Variants in CRAMP1 observed in about 807,000 individuals in gnomAD.
CRAMP1 encodes protein cramped-like.
In CRAMP1, 50 loss-of-function variants were observed where a neutral mutation model predicts 115.4. That is an observed-to-expected ratio of 0.43 (90% CI 0.35 to 0.55). The LOEUF (loss-of-function observed/expected upper bound fraction) is 0.55. CRAMP1 is among the 20% of genes least tolerant of loss of function. The pLI is 0.01. For missense variants in CRAMP1, 1,679 were observed against 1,721.7 expected (o/e 0.98, Z 0.44); for synonymous variants, 866 against 745.4 (o/e 1.16, Z -2.64).
In CRAMP1 at chr16:1,667,375, A is replaced by C. The variant is rs2036884577; in HGVS notation, c.3077A>C (p.Gln1026Pro). Residue 1026 changes from glutamine (Q) to proline (P), a missense_variant, in exon 17 of 21, where the codon CAG becomes CCG. Transcript: ENST00000397412. ...PFVSIPSRPE[Q>P]EPVADSFQGS... ...GTCAGCATCCCTTCGAGGCCTGAGC[A>C]GGAGCCAGTGGCAGACAGTTTCCAG... The C allele has an allele frequency of 1.9e-6, 3 of 1,613,190 alleles. No individual in the cohort carries two copies. The African/African-American group carries it at 4.0e-5, about 21-fold the overall frequency.
At chr16:1,618,627 G>GT (rs2036440622) in intron 2 of CRAMP1, among the ~76,000 whole-genome samples, 1 of 151,962 alleles carries the variant, frequency 6.6e-6, no homozygotes, top group African/African-American at 2.4e-5. Flanking sequence ...AGTGACAGTC[G>GT]TTTGTGTGTA....
chr16:1,665,568 A>G (rs553259441), intron 14 of CRAMP1, among the ~76,000 whole-genome samples: 16 of 152,226 alleles, frequency 1.1e-4, no homozygotes, highest in African/African-American at 3.1e-4. Context: ...CTCTAGTGAA[A>G]CACATACTCT....
In CRAMP1 at chr16:1,656,224, T is replaced by C. The variant is rs1596494081; in HGVS notation, c.1467T>C (p.Ser489=). Residue 489 remains serine, a synonymous_variant, in exon 10 of 21, where the codon AGT becomes AGC. Coordinates refer to ENST00000397412, the MANE Select transcript of CRAMP1 (RefSeq NM_020825.4). This position sits in a 1 kb window ranked among gnomAD's most constrained non-coding sequence, Gnocchi z 5.6. ...ACGCCTTGCAGAGCTCCGGAGAGAG[T>C]TCCCCCGAAAGCGCCCCCGGGGAGG... is the stretch of plus-strand genomic sequence containing the variant. ...AADALQSSGE[S]SPESAPGEGA... is the part of the protein sequence containing the mutation. The C allele has an allele frequency of 6.2e-7, 1 of 1,606,468 alleles. No individual in the cohort carries two copies. Among genetic ancestry groups the C allele is most frequent in the Non-Finnish European group, 8.5e-7 (1 of 1,178,120 alleles).
chr16:1,663,526 T>C (rs989535180), intron 13 of CRAMP1, among the ~76,000 whole-genome samples: 1 of 152,222 alleles, frequency 6.6e-6, no homozygotes, highest in Non-Finnish European at 1.5e-5. Flanking sequence ...GGTTGAAAAC[T>C]ATGGCCCAGG....
rs1028714156 is a variant in CRAMP1 at position 1,632,395 on chromosome 16, T to A, written c.694+30T>A. ...GTGTGCCACGGGCCAGGCTCGGGGG[T>A]GCCCACAGGCAGGGCCGGCTTCTGC... On this transcript the variant is annotated intron_variant, in intron 4 of 20. Coordinates refer to ENST00000397412, the MANE Select transcript of CRAMP1 (RefSeq NM_020825.4). 5.8e-6 allele frequency: 9 copies of A among 1,561,050 alleles called. No homozygotes were observed. The Admixed American group carries it at 1.7e-4, about 30-fold the overall frequency.
At chr16:1,649,269 G>A (rs2036702712) in intron 6 of CRAMP1, among the ~76,000 whole-genome samples, 1 of 152,140 alleles carries the variant, frequency 6.6e-6, no homozygotes, top group Non-Finnish European at 1.5e-5. Flanking sequence ...AGCACTGAAG[G>A]CACTCAGTCA....
chr16:1,666,207 C>T lies in CRAMP1; in HGVS notation c.2857+30C>T. 2 of 1,467,654 alleles carry T rather than the reference C, an allele frequency of 1.4e-6. No homozygotes were observed. The highest frequency in any genetic ancestry group is 1.9e-6 in the Non-Finnish European group (2 of 1,058,676). 90.9% of individuals were successfully genotyped at this position (1,467,654 alleles called of 1,614,324 possible). On this transcript the variant is annotated intron_variant, in intron 15 of 20. Transcript: ENST00000397412. The surrounding 1 kb of genome is among the most constrained non-coding windows in gnomAD (Gnocchi z 5.0). ...GTCTGTACCTGCATGGCCACAGCCA[C>T]TGAGTGAGCCTCTGAGGGATGTTTT...
intron 11 of CRAMP1, among the ~76,000 whole-genome samples, chr16:1,661,342 CGGAG>C (rs1220796119): frequency 6.7e-6 from 1 of 149,048 alleles, no homozygotes; most frequent in African/African-American, 2.5e-5. Flanking sequence ...TCCTGGGTGA[CGGAG>C]GGGGCCGGGT....
chr16:1,634,198 T>A (rs2036568622), intron 4 of CRAMP1, among the ~76,000 whole-genome samples: 1 of 152,134 alleles, frequency 6.6e-6, no homozygotes, highest in Non-Finnish European at 1.5e-5. Context: ...TTCGGTCTAG[T>A]GTGCTTTGCT....
rs565235725 is a variant in CRAMP1, at chr16:1,656,891, C to T, written c.2134C>T (p.Arg712Cys). The T allele has an allele frequency of 3.9e-5, 61 of 1,551,446 alleles. No homozygotes were observed. The highest frequency in any genetic ancestry group is 3.4e-4 in the African/African-American group (25 of 73,196). The change falls in exon 10 of 21, where the codon CGC becomes TGC. Residue 712 changes from arginine to cysteine, a missense_variant. Coordinates refer to ENST00000397412, the MANE Select transcript of CRAMP1 (RefSeq NM_020825.4). This position sits in a 1 kb window ranked among gnomAD's most constrained non-coding sequence, Gnocchi z 5.6. ...QLEYDWLGPG[R>C]QDPRPGSLPT... is the part of the protein sequence containing the mutation. ...GGAGTACGACTGGCTGGGGCCCGGC[C>T]GCCAGGACCCCCGCCCCGGCTCCCT...
chr16:1,670,890 G>A, intron 20 of CRAMP1, 81 bp downstream of exon 20: 1 of 1,378,814 alleles, frequency 7.3e-7, no homozygotes. Context: ...CACACCTGTG[G>A]GTTAGTAAGA....
At chr16:1,632,120 C>T in intron 3 of CRAMP1, 92 bp from the exon 4 acceptor site, 2 of 1,366,416 alleles carry the variant, frequency 1.5e-6, no homozygotes, top group Non-Finnish European at 2.0e-6. Flanking sequence ...TGTCTCCTTT[C>T]TCCTTTCTCG....
Position 1,669,157 on chromosome 16 carries a change from G to C in CRAMP1, c.3491G>C (p.Ser1164Thr). The C allele has an allele frequency of 6.2e-7, 1 of 1,600,750 alleles. No individual in the cohort carries two copies. Among genetic ancestry groups the C allele is most frequent in the Non-Finnish European group, 8.5e-7 (1 of 1,172,940 alleles). ...PSDSTDSSLS[S>T]LFASFISPEK... The stretch of plus-strand genomic sequence containing the variant: ...GACTCCACCGACTCCTCGCTCAGCA[G>C]CCTGTTTGGTGAGTGTATGGGGAGG... Residue 1164 changes from serine (S) to threonine (T), a missense_variant, in exon 19 of 21, where the codon AGC becomes ACC. Coordinates refer to ENST00000397412, the MANE Select transcript of CRAMP1 (RefSeq NM_020825.4). This position sits in a 1 kb window ranked among gnomAD's most constrained non-coding sequence, Gnocchi z 4.6.
At position 1,656,336 on chromosome 16, in the gene CRAMP1, C is replaced by T. The variant is rs774753825; in HGVS notation, c.1579C>T (p.Pro527Ser). ...CACTGGGCCATGTCTTGAGAAGACCCCTGCAGAAGGCAGGGACAGTCCCAC... is the reference window on the plus strand; with the variant it reads ...CACTGGGCCATGTCTTGAGAAGACCTCTGCAGAAGGCAGGGACAGTCCCAC... ...QDTGPCLEKT[P>S]AEGRDSPTRE... The change falls in exon 10 of 21, where the codon CCT becomes TCT. Residue 527 changes from proline (P) to serine (S), a missense_variant. By Grantham distance (74) the Pro-to-Ser change is moderately conservative. This residue lies in a region of CRAMP1 where 405 missense variants were observed against 302.6 expected (regional missense o/e 1.34). Coordinates refer to ENST00000397412, the MANE Select transcript of CRAMP1 (RefSeq NM_020825.4). This position sits in a 1 kb window ranked among gnomAD's most constrained non-coding sequence, Gnocchi z 5.6. 1.2e-6 allele frequency: 2 copies of T among 1,609,586 alleles called. No individual in the cohort carries two copies. Among genetic ancestry groups the T allele is most frequent in the Non-Finnish European group, 1.7e-6 (2 of 1,178,602 alleles).
At chr16:1,655,396 C>T (rs1278658449) in intron 9 of CRAMP1, 96 bp downstream of exon 9, 14 of 983,750 alleles carry the variant, frequency 1.4e-5, no homozygotes, top group Non-Finnish European at 2.3e-5. Flanking sequence ...CGTCATGGTC[C>T]CCGTGGGCAG....
chr16:1,628,768 G>T (rs1263609780), intron 3 of CRAMP1, among the ~76,000 whole-genome samples: 1 of 152,216 alleles, frequency 6.6e-6, no homozygotes, highest in African/African-American at 2.4e-5. Flanking sequence ...CCTGGGAGGG[G>T]TGCAGCAAGG....
At chr16:1,652,358 C>T in intron 6 of CRAMP1, 138 bp from the exon 7 acceptor site, 1 of 658,804 alleles carries the variant, frequency 1.5e-6, no homozygotes, top group South Asian at 1.9e-5. Context: ...CTCCCACTGT[C>T]CTACGCGGGC....
chr16:1,612,598 T>C lies in CRAMP1; in HGVS notation c.-61T>C, dbSNP rs1035270853. On this transcript the variant is annotated 5_prime_UTR_variant, in exon 1 of 21. Transcript: ENST00000397412. ...GCCGGGGCTGCCCGGCCCGGCTGGT[T>C]CTGCGGGCACCCGGGGAGGCCCCGG... Among the ~76,000 whole-genome samples the C allele has an allele frequency of 3.3e-5, 5 of 151,620 alleles. No homozygotes were observed. The highest frequency in any genetic ancestry group is 1.2e-4 in the African/African-American group (5 of 41,276).
intron 3 of CRAMP1, among the ~76,000 whole-genome samples, 161 bp from the exon 4 acceptor site, chr16:1,632,051 C>T (rs1009846450): frequency 1.3e-5 from 2 of 152,114 alleles, no homozygotes; most frequent in South Asian, 2.1e-4. Context: ...TCCAGGGAGT[C>T]GAAGTTCAAG....
Sources: allele counts gnomAD v4.1 joint callset (sites outside exome capture counted in the v4.1 genomes callset), GRCh38; gene constraint gnomAD v4.1.1; regional missense constraint gnomAD v4.1.1; non-coding constraint Gnocchi (gnomAD v3.1); transcripts MANE v1.5; gene names NCBI Gene and HGNC (gene_info 2026-07-23, HGNC 2026-07-21).